SLC4A8: variants seen among roughly 807,000 people sequenced by gnomAD.
SLC4A8 encodes the protein solute carrier family 4 member 8.
Under a neutral mutation model 125.0 loss-of-function variants are expected in SLC4A8, and 40 were observed. The ratio of observed to expected loss-of-function variants is 0.32; its 90% CI spans 0.25 to 0.42. The LOEUF is 0.42. SLC4A8 is among the 10% of genes least tolerant of loss of function. The pLI is 1.00. For missense variants in SLC4A8, 863 were observed against 1,355.1 expected, an observed-to-expected ratio of 0.64 and a Z score of 5.70; for synonymous variants, 456 against 476.0, an observed-to-expected ratio of 0.96 and a Z score of 0.55.
rs983753442 is a variant in SLC4A8, at chr12:51,489,657, C to T, written c.2449-43C>T. The T allele has an allele frequency of 1.9e-6, 3 of 1,610,592 alleles. No homozygotes were observed. The South Asian group carries it at 3.3e-5, about 18-fold the overall frequency. On this transcript the variant is annotated intron_variant, in intron 18 of 24. Coordinates refer to ENST00000453097, the MANE Select transcript of SLC4A8 (RefSeq NM_001039960.3). ...TAGCTCACTGTTCTATGCCCTACTA[C>T]AGCTAGCCTACTGATGGTGACAAAG... is the stretch of plus-strand genomic sequence containing the variant.
chr12:51,401,341 G>T (rs1486937553), intron 1 of SLC4A8, among the ~76,000 whole-genome samples: 1 of 152,170 alleles, frequency 6.6e-6, no homozygotes, highest in African/African-American at 2.4e-5. Flanking sequence ...TGGAGAATGA[G>T]TGCAAGGTTT....
intron 1 of SLC4A8, among the ~76,000 whole-genome samples, chr12:51,417,333 G>A (rs527277436): frequency 1.3e-5 from 2 of 151,158 alleles, no homozygotes; most frequent in East Asian, 2.0e-4. Context: ...GCAACACCAC[G>A]GCTGGCTAGT....
chr12:51,459,920 A>C, intron 7 of SLC4A8, 31 bp from the exon 8 acceptor site: 1 of 1,583,072 alleles, frequency 6.3e-7, no homozygotes, highest in Non-Finnish European at 8.6e-7. Context: ...GGTGGTTCCC[A>C]AGTTGTCAGA....
At chr12:51,463,162 C>T (rs532660882) in intron 10 of SLC4A8, among the ~76,000 whole-genome samples, 1 of 152,102 alleles carries the variant, frequency 6.6e-6, no homozygotes, top group Non-Finnish European at 1.5e-5. Context: ...AGACAGCAGC[C>T]AGGTGCTTTA....
chr12:51,498,043 A>G (rs1319961216), intron 22 of SLC4A8, among the ~76,000 whole-genome samples: 2 of 151,286 alleles, frequency 1.3e-5, no homozygotes, highest in African/African-American at 4.9e-5. Flanking sequence ...GTGAGATCCT[A>G]TCTCAAGAAA....
At position 51,475,221 on chromosome 12, in the gene SLC4A8, CA is replaced by C. The variant is rs777117754; in HGVS notation, c.2172+16del. 2 of 1,612,200 alleles carry C rather than the reference CA, an allele frequency of 1.2e-6. No individual in the cohort carries two copies. Among genetic ancestry groups the C allele is most frequent in the Admixed American group, 3.3e-5 (2 of 59,970 alleles). ...TCCCAACCAGAGTAGGTAGCATGTT[CA>C]TGCATTTCTTTCACGTTAGAATCAA... On this transcript the variant is annotated intron_variant, in intron 16 of 24. Coordinates refer to ENST00000453097, the MANE Select transcript of SLC4A8 (RefSeq NM_001039960.3).
chr12:51,454,204 C>T (rs991342545), intron 5 of SLC4A8, among the ~76,000 whole-genome samples: 3 of 152,194 alleles, frequency 2.0e-5, no homozygotes, highest in South Asian at 2.1e-4. Flanking sequence ...GGCTCAGGCA[C>T]GAGGATCACT....
At chr12:51,470,035 T>C (rs1434616269) in intron 12 of SLC4A8, among the ~76,000 whole-genome samples, 5 of 152,158 alleles carry the variant, frequency 3.3e-5, no homozygotes, top group African/African-American at 1.2e-4. Flanking sequence ...GCCTCAGTGA[T>C]GGAAAATGGA....
chr12:51,496,552 G>A (rs940727365), intron 21 of SLC4A8, among the ~76,000 whole-genome samples: 3 of 152,334 alleles, frequency 2.0e-5, no homozygotes, highest in Middle Eastern at 3.4e-3. Context: ...TTGGGTAGGG[G>A]AATGTATAGG....
chr12:51,489,641 G>A, intron 18 of SLC4A8, 59 bp from the exon 19 acceptor site: 2 of 1,603,210 alleles, frequency 1.2e-6, no homozygotes, highest in Non-Finnish European at 1.7e-6. Context: ...GTAGCTCACT[G>A]TTCTATGCCC....
intron 21 of SLC4A8, among the ~76,000 whole-genome samples, chr12:51,495,451 T>C (rs1307158960): frequency 6.7e-6 from 1 of 149,678 alleles, no homozygotes; most frequent in East Asian, 2.0e-4. Context: ...GGCTAATTTC[T>C]TTTCTTTCTT....
intron 1 of SLC4A8, chr12:51,392,655 G>C (rs375197865): frequency 6.6e-6 from 1 of 152,030 alleles, no homozygotes; most frequent in South Asian, 2.1e-4. Flanking sequence ...ACTCGGGTTG[G>C]GCCCGGCGAC....
intron 9 of SLC4A8, chr12:51,461,532 G>A: frequency 2.6e-6 from 1 of 378,570 alleles, no homozygotes; most frequent in South Asian, 4.8e-5. Flanking sequence ...CTTTTTCTGG[G>A]GAAACTATTA....
At chr12:51,421,640 G>C (rs900252386), upstream of SLC4A8, among the ~76,000 whole-genome samples, 1 of 152,122 alleles carries the variant, frequency 6.6e-6, no homozygotes, top group Non-Finnish European at 1.5e-5. Context: ...TGGGGGATGT[G>C]GGCACATCTT....
intron 2 of SLC4A8, among the ~76,000 whole-genome samples, chr12:51,447,887 T>C (rs547010785): frequency 2.0e-4 from 31 of 152,058 alleles, no homozygotes; most frequent in African/African-American, 7.5e-4. Context: ...CAGCTAATTT[T>C]TTGTATTTTT....
chr12:51,403,049 G>A (rs1401797729), intron 1 of SLC4A8: 1 of 372,898 alleles, frequency 2.7e-6, no homozygotes, highest in Non-Finnish European at 5.5e-6. Context: ...AAGTTGTTTA[G>A]CCTGTTTTCA....
In SLC4A8 at chr12:51,492,135, C is replaced by A. The variant is rs867254622; in HGVS notation, c.2701-1569C>A. ...TGGTACAGATAGAGGATACTTTGAACATTAAAAAAATGTTTTGTGGGTGGA... is the reference window on the plus strand; with the variant it reads ...TGGTACAGATAGAGGATACTTTGAAAATTAAAAAAATGTTTTGTGGGTGGA... On this transcript the variant is annotated intron_variant, in intron 19 of 24. Transcript: ENST00000453097. 7.0e-4 allele frequency among the ~76,000 whole-genome samples: 107 copies of A among 152,104 alleles called. 2 individuals carry two copies. The highest frequency in any genetic ancestry group is 2.1e-4 in the South Asian group (1 of 4,810).
At chr12:51,422,642 G>A (rs145069937), upstream of SLC4A8, among the ~76,000 whole-genome samples, 3 of 152,274 alleles carry the variant, frequency 2.0e-5, no homozygotes, top group East Asian at 5.8e-4. Context: ...TTACAAGTGT[G>A]AGCCACCATG....
chr12:51,499,654 CACACGTATAT>C, intron 22 of SLC4A8, among the ~76,000 whole-genome samples: 1 of 151,914 alleles, frequency 6.6e-6, no homozygotes, highest in South Asian at 2.1e-4. Context: ...CACACACACA[CACACGTATAT>C]AATTTTAGGT....
Sources: allele counts gnomAD v4.1 joint callset (sites outside exome capture counted in the v4.1 genomes callset), GRCh38; gene constraint gnomAD v4.1.1; transcripts MANE v1.5; gene names NCBI Gene and HGNC (gene_info 2026-07-23, HGNC 2026-07-21).